Variants in MGAM observed in about 807,000 individuals in gnomAD.
MGAM encodes alpha-1,4-glucosidase.
In MGAM, 253 loss-of-function variants were observed where a neutral mutation model predicts 358.8. The observed-to-expected ratio is 0.71, with a 90% confidence interval of 0.64 to 0.78. The LOEUF (loss-of-function observed/expected upper bound fraction) is 0.78. Among genes scored for constraint, MGAM ranks in the 30% least tolerant of loss-of-function variants. The pLI, the probability that MGAM is intolerant of heterozygous loss-of-function variation, is 0.00. For missense variants in MGAM, 3,080 were observed against 3,432.6 expected (o/e 0.90, Z 2.57); for synonymous variants, 1,105 against 1,227.1 (o/e 0.90, Z 2.08).
chr7:142,005,538 G>A lies in MGAM; in HGVS notation c.8G>A (p.Arg3Lys). The change falls in exon 2 of 71, where the codon AGA (arginine) becomes AAA (lysine). Residue 3 changes from arginine to lysine, a missense_variant. Physicochemically the swap from Arg to Lys is conservative, Grantham distance 26. This residue lies in a region of MGAM where 1,816 missense variants were observed against 1,840.5 expected (regional missense o/e 0.99). Coordinates refer to ENST00000475668, the MANE Select transcript of MGAM (RefSeq NM_001365693.1). Reference protein sequence around the residue: MARKKLKKFTTLE... With the variant: MAKKKLKKFTTLE... Reference sequence around the variant, plus strand: ...TTCTCTTACATTTTAGAGATGGCAAGAAAGAAGCTGAAAAAATTTACTACT... The same window carrying A: ...TTCTCTTACATTTTAGAGATGGCAAAAAAGAAGCTGAAAAAATTTACTACT... 1 of 1,544,754 alleles carries A rather than the reference G, an allele frequency of 6.5e-7. No individual in the cohort carries two copies. The highest frequency in any genetic ancestry group is 8.7e-7 in the Non-Finnish European group (1 of 1,147,670).
intron 53 of MGAM, 107 bp from the exon 54 acceptor site, chr7:142,084,412 A>C: frequency 7.9e-7 from 1 of 1,258,922 alleles, no homozygotes; most frequent in East Asian, 2.4e-5. Context: ...GAATTCAATT[A>C]GTTAGTTGTC....
intron 16 of MGAM, among the ~76,000 whole-genome samples, chr7:142,035,740 A>C (rs1446206613): frequency 6.6e-6 from 1 of 152,186 alleles, no homozygotes; most frequent in Non-Finnish European, 1.5e-5. Flanking sequence ...TAAAAGGTTG[A>C]ACAGCAAGGA....
At chr7:141,995,685 G>A (rs981133049), upstream of MGAM, among the ~76,000 whole-genome samples, 1 of 152,134 alleles carries the variant, frequency 6.6e-6, no homozygotes, top group African/African-American at 2.4e-5. Flanking sequence ...ATGGGAGCTG[G>A]CTTTTCCTTC....
At chr7:142,097,276 A>C (rs531478323) in intron 65 of MGAM, among the ~76,000 whole-genome samples, 3 of 152,040 alleles carry the variant, frequency 2.0e-5, no homozygotes, top group Non-Finnish European at 4.4e-5. Flanking sequence ...TTTCTGCCCC[A>C]GACACAACCT....
intron 35 of MGAM, among the ~76,000 whole-genome samples, chr7:142,063,001 C>A (rs1812372223): frequency 6.6e-6 from 1 of 152,138 alleles, no homozygotes; most frequent in Non-Finnish European, 1.5e-5. Context: ...GAGTTTGAGA[C>A]CAGCCTGACC....
intron 26 of MGAM, 72 bp from the exon 27 acceptor site, chr7:142,054,682 C>A: frequency 1.3e-6 from 2 of 1,493,486 alleles, no homozygotes; most frequent in Non-Finnish European, 1.8e-6. Context: ...GTCCAAAAAT[C>A]AAAAAGGTTC....
rs375423496 is a variant in MGAM at position 142,021,086 on chromosome 7, T to C, written c.558+3T>C. 146 of 1,580,470 alleles carry C rather than the reference T, an allele frequency of 9.2e-5. 1 individual carries two copies. The South Asian group carries it at 9.8e-4, about 11-fold the overall frequency. On this transcript the variant is annotated splice_donor_region_variant and intron_variant, in intron 5 of 70. Transcript: ENST00000475668. Reference sequence around the variant, plus strand: ...CATCTAATCGTTTCCACTTTAAGGTTGTAATTTGTTTATTTTTTTTTAAGT... The same window carrying C: ...CATCTAATCGTTTCCACTTTAAGGTCGTAATTTGTTTATTTTTTTTTAAGT...
intron 35 of MGAM, 39 bp downstream of exon 35, chr7:142,062,741 T>A (rs768567587): frequency 6.2e-7 from 1 of 1,611,342 alleles, no homozygotes; most frequent in Admixed American, 1.7e-5. Context: ...GTGGCTCTTG[T>A]CTATCTTTGT....
chr7:142,008,867 T>C (rs1196623666), intron 3 of MGAM, among the ~76,000 whole-genome samples, 162 bp downstream of exon 3: 1 of 152,122 alleles, frequency 6.6e-6, no homozygotes, highest in African/African-American at 2.4e-5. Context: ...TCCATGCTTG[T>C]ATGACAGTGC....
At chr7:142,095,756 T>C (rs375740597) in intron 64 of MGAM, 43 bp downstream of exon 64, 31 of 1,605,518 alleles carry the variant, frequency 1.9e-5, no homozygotes, top group Admixed American at 1.2e-4. Context: ...GGATGACTTA[T>C]TGCATTCTAT....
chr7:141,999,007 C>T (rs1285966), intron 1 of MGAM, among the ~76,000 whole-genome samples: 150,174 of 152,278 alleles, frequency 0.99, 74,092 homozygotes, highest in Middle Eastern at 1. Flanking sequence ...CATATACTTA[C>T]ACAGTATAAC....
intron 14 of MGAM, 23 bp from the exon 15 acceptor site, chr7:142,034,239 G>C: frequency 6.6e-7 from 1 of 1,517,362 alleles, no homozygotes; most frequent in Non-Finnish European, 9.0e-7. Context: ...GGCTCTCACT[G>C]ATTGATCCTG....
Position 142,078,862 on chromosome 7 carries a change from G to C in MGAM, c.5701G>C (p.Val1901Leu). 6.4e-7 allele frequency: 1 copy of C among 1,555,550 alleles called. No homozygotes were observed. The change falls in exon 49 of 71, where the codon GTC becomes CTC. Residue 1901 changes from valine to leucine, a missense_variant. Coordinates refer to ENST00000475668, the MANE Select transcript of MGAM (RefSeq NM_001365693.1). ...CTATTTTGTCAACGACCTATACTCT[G>C]TCAGTGATGTTCAGTATAACTCCCA... ...FCYFVNDLYS[V>L]SDVQYNSHGA...
At chr7:142,039,888 TTTA>T (rs1185543013) in intron 19 of MGAM, among the ~76,000 whole-genome samples, 1 of 152,252 alleles carries the variant, frequency 6.6e-6, no homozygotes, top group East Asian at 1.9e-4. Flanking sequence ...CCACACATGT[TTTA>T]TTATTATTTT....
intron 3 of MGAM, among the ~76,000 whole-genome samples, chr7:142,010,247 C>T (rs1191369643): frequency 2.0e-5 from 3 of 152,144 alleles, no homozygotes; most frequent in East Asian, 3.9e-4. Context: ...AAAGATCACT[C>T]GATTATCTAA....
intron 57 of MGAM, among the ~76,000 whole-genome samples, chr7:142,091,361 C>T (rs1444207902): frequency 6.8e-6 from 1 of 146,182 alleles, no homozygotes; most frequent in African/African-American, 2.4e-5. Flanking sequence ...GAAATGTCCT[C>T]TTTAAGTCCT....
In MGAM at chr7:142,032,865, C is replaced by T. The variant is rs10266732; in HGVS notation, c.1625C>T (p.Ser542Leu). 0.015 allele frequency: 23,702 copies of T among 1,610,590 alleles called. 2,685 individuals carry two copies. The African/African-American group carries it at 0.26, about 18-fold the overall frequency. ...EVSNFVDGSVSGCSTNNLNNP... is the reference protein window; with the variant it reads ...EVSNFVDGSVLGCSTNNLNNP... ...TCCAACTTTGTTGATGGTTCGGTCT[C>T]AGGATGTTCCACAAACAACCTAAAT... Residue 542 changes from serine (S) to leucine (L), a missense_variant, in exon 14 of 71, where the codon TCA becomes TTA. Ser to Leu is a moderately radical substitution (Grantham distance 145, BLOSUM62 -2). This residue lies in a region of MGAM where 1,816 missense variants were observed against 1,840.5 expected (regional missense o/e 0.99). Transcript: ENST00000475668.
chr7:142,040,089 G>A (rs1808362562), intron 19 of MGAM, 26 bp from the exon 20 acceptor site: 1 of 1,568,976 alleles, frequency 6.4e-7, no homozygotes, highest in East Asian at 2.3e-5. Flanking sequence ...TTTCCCTCAG[G>A]GGACACTACA....
chr7:142,019,249 T>A lies in MGAM; in HGVS notation c.378T>A (p.Ser126Arg). ...GCTGGAATCCCCAGGGAGCTGTAAG[T>A]GTTCCCTGGTGCTACTATTCCAAGA... ...GCCWNPQGAV[S>R]VPWCYYSKNH... Residue 126 changes from serine to arginine, a missense_variant, in exon 4 of 71, where the codon AGT becomes AGA. By Grantham distance (110) the Ser-to-Arg change is moderately radical (BLOSUM62 -1). Coordinates refer to ENST00000475668, the MANE Select transcript of MGAM (RefSeq NM_001365693.1). 1 of 1,613,518 alleles carries A rather than the reference T, an allele frequency of 6.2e-7. No homozygotes were observed. Among genetic ancestry groups the A allele is most frequent in the Non-Finnish European group, 8.5e-7 (1 of 1,179,524 alleles).
Sources: allele counts gnomAD v4.1 joint callset (sites outside exome capture counted in the v4.1 genomes callset), GRCh38; gene constraint gnomAD v4.1.1; regional missense constraint gnomAD v4.1.1; transcripts MANE v1.5; gene names NCBI Gene and HGNC (gene_info 2026-07-23, HGNC 2026-07-21).